Variants in SNX18 observed in about 807,000 individuals in gnomAD.
The protein encoded by SNX18 is sorting nexin-18.
A neutral mutation model predicts 48.7 loss-of-function variants in SNX18; 35 were observed. That is an observed-to-expected ratio of 0.72 (90% CI 0.55 to 0.95). SNX18 has a LOEUF of 0.95. Among genes scored for constraint, SNX18 ranks in the 40% least tolerant of loss-of-function variants. SNX18 has a pLI of 0.00. For missense variants in SNX18, 824 were observed against 871.0 expected, an observed-to-expected ratio of 0.95 and a Z score of 0.68; for synonymous variants, 492 against 384.7, an observed-to-expected ratio of 1.28 and a Z score of -3.26.
the SNX18 span, among the ~76,000 whole-genome samples, chr5:54,624,012 AG>A: frequency 6.6e-6 from 1 of 152,220 alleles, no homozygotes; most frequent in African/African-American, 2.4e-5. Context: ...AAATAAATGT[AG>A]TTATTAACAA....
the SNX18 span, among the ~76,000 whole-genome samples, chr5:54,582,179 T>C: frequency 6.6e-6 from 1 of 152,224 alleles, no homozygotes; most frequent in Non-Finnish European, 1.5e-5. Flanking sequence ...TCTGGTCATT[T>C]TGTTAGAAAT....
At chr5:54,589,869 T>C in the SNX18 span, among the ~76,000 whole-genome samples, 14 of 152,190 alleles carry the variant, frequency 9.2e-5, no homozygotes, top group Non-Finnish European at 1.8e-4. Context: ...CTCTCTCAAC[T>C]AAGCTGGAAT....
chr5:54,543,229 A>T lies in SNX18; in HGVS notation c.1672A>T (p.Met558Leu). ...ESRRHVEEGK[M>L]EVQKADGIQD... Reference sequence around the variant, plus strand: ...TAGGCGACACGTGGAGGAAGGGAAGATGGAGGTGCAGAAGGCTGACGGCAT... The same window carrying T: ...TAGGCGACACGTGGAGGAAGGGAAGTTGGAGGTGCAGAAGGCTGACGGCAT... The change falls in exon 2 of 2, where the codon ATG becomes TTG. Residue 558 changes from methionine (M) to leucine (L), a missense_variant. Met to Leu is a conservative substitution (Grantham distance 15). Around this residue, in one of 3 missense-constraint regions of SNX18, gnomAD observed 443 missense variants for 503.6 expected, o/e 0.88. Coordinates refer to ENST00000381410, the MANE Select transcript of SNX18 (RefSeq NM_001102575.2). 1.2e-6 allele frequency: 2 copies of T among 1,614,174 alleles called. No homozygotes were observed. The highest frequency in any genetic ancestry group is 1.7e-6 in the Non-Finnish European group (2 of 1,180,032).
At chr5:54,612,581 C>A in the SNX18 span, among the ~76,000 whole-genome samples, 3 of 152,044 alleles carry the variant, frequency 2.0e-5, no homozygotes, top group Non-Finnish European at 4.4e-5. Flanking sequence ...GATTTTTAAA[C>A]TTGGATTTTA....
the SNX18 span, among the ~76,000 whole-genome samples, chr5:54,604,123 C>G: frequency 6.6e-6 from 1 of 152,164 alleles, no homozygotes; most frequent in African/African-American, 2.4e-5. Flanking sequence ...GTAGAGCAGA[C>G]AAACACATTA....
At chr5:54,629,932 T>C in the SNX18 span, among the ~76,000 whole-genome samples, 1 of 152,228 alleles carries the variant, frequency 6.6e-6, no homozygotes. Context: ...GAAAATTAGA[T>C]TTTCCCTTAA....
chr5:54,636,874 AGTGGATGGGG>A, the SNX18 span, among the ~76,000 whole-genome samples: 9 of 152,220 alleles, frequency 5.9e-5, no homozygotes, highest in African/African-American at 2.2e-4. Context: ...TTACAGTGAA[AGTGGATGGGG>A]CCAGGATTCA....
chr5:54,616,641 C>A, the SNX18 span, among the ~76,000 whole-genome samples: 1 of 151,970 alleles, frequency 6.6e-6, no homozygotes, highest in African/African-American at 2.4e-5. Context: ...AAGTGGCAGG[C>A]GCCTGTAATC....
At chr5:54,642,635 A>G in the SNX18 span, among the ~76,000 whole-genome samples, 1 of 152,252 alleles carries the variant, frequency 6.6e-6, no homozygotes, top group Non-Finnish European at 1.5e-5. Context: ...ATCCATGGGA[A>G]AAATGATTCT....
the SNX18 span, among the ~76,000 whole-genome samples, chr5:54,580,235 G>A: frequency 6.6e-6 from 1 of 152,136 alleles, no homozygotes; most frequent in Non-Finnish European, 1.5e-5. Flanking sequence ...ACAAATACTA[G>A]TCTCTGTCAT....
At chr5:54,558,616 G>T in the SNX18 span, among the ~76,000 whole-genome samples, 1 of 152,036 alleles carries the variant, frequency 6.6e-6, no homozygotes, top group Non-Finnish European at 1.5e-5. Flanking sequence ...TTTCCTGCTT[G>T]GTCCTTATCT....
intron 1 of SNX18, chr5:54,519,779 G>A (rs747592623): frequency 6.2e-7 from 1 of 1,614,054 alleles, no homozygotes; most frequent in Non-Finnish European, 8.5e-7. Flanking sequence ...TTGCATTAGG[G>A]AATGAGTACT....
At chr5:54,584,803 C>G in the SNX18 span, among the ~76,000 whole-genome samples, 1 of 152,192 alleles carries the variant, frequency 6.6e-6, no homozygotes, top group Non-Finnish European at 1.5e-5. Context: ...ACACAGATGG[C>G]TGGTCTTGGA....
the SNX18 span, among the ~76,000 whole-genome samples, chr5:54,624,785 A>T: frequency 6.6e-6 from 1 of 152,202 alleles, no homozygotes; most frequent in East Asian, 1.9e-4. Context: ...TCCAGAGCAG[A>T]CAGGTCTAAA....
At chr5:54,596,310 A>G in the SNX18 span, among the ~76,000 whole-genome samples, 1 of 149,504 alleles carries the variant, frequency 6.7e-6, no homozygotes, top group Non-Finnish European at 1.5e-5. Flanking sequence ...GAGGGCCAGC[A>G]CTATAGCTCT....
chr5:54,618,693 G>A, the SNX18 span, among the ~76,000 whole-genome samples: 1 of 152,178 alleles, frequency 6.6e-6, no homozygotes, highest in Non-Finnish European at 1.5e-5. Flanking sequence ...ACTGGCAAAA[G>A]GAAAGGGAAC....
Position 54,518,790 on chromosome 5 carries a change from A to G in SNX18, c.838A>G (p.Ile280Val), listed in dbSNP as rs951519744. 6.2e-7 allele frequency: 1 copy of G among 1,604,902 alleles called. No individual in the cohort carries two copies. The highest frequency in any genetic ancestry group is 2.2e-5 in the East Asian group (1 of 44,756). ...GAACCCCTACCCGTTCCAGTGCACCATCGACGACCCCACCAAGCAGACCAA... is the reference window on the plus strand; with the variant it reads ...GAACCCCTACCCGTTCCAGTGCACCGTCGACGACCCCACCAAGCAGACCAA... ...QENPYPFQCT[I>V]DDPTKQTKFK... The change falls in exon 1 of 2, where the codon ATC becomes GTC. Residue 280 changes from isoleucine to valine, a missense_variant. This residue lies in a region of SNX18 where 443 missense variants were observed against 503.6 expected (regional missense o/e 0.88). Transcript: ENST00000381410.
At chr5:54,560,412 G>T in the SNX18 span, among the ~76,000 whole-genome samples, 2 of 152,308 alleles carry the variant, frequency 1.3e-5, no homozygotes, top group East Asian at 3.9e-4. Context: ...TTGTAAGTGG[G>T]AGCTAAATGA....
chr5:54,587,607 C>T, the SNX18 span, among the ~76,000 whole-genome samples: 1 of 152,134 alleles, frequency 6.6e-6, no homozygotes, highest in African/African-American at 2.4e-5. Context: ...ATTGTTGGTG[C>T]TGCCAGTGTT....
Sources: gnomAD v4.1 joint callset for allele counts (sites outside exome capture counted in the v4.1 genomes callset) on GRCh38, gnomAD v4.1.1 for gene constraint, gnomAD v4.1.1 regional missense constraint, MANE v1.5 for transcripts, NCBI Gene and HGNC (gene_info 2026-07-23, HGNC 2026-07-21) for gene names.